Variants in SYN3 observed in about 807,000 individuals in gnomAD.
SYN3 encodes the protein synapsin III.
Under a neutral mutation model 65.8 loss-of-function variants are expected in SYN3, and 35 were observed. The ratio of observed to expected loss-of-function variants is 0.53; its 90% CI spans 0.41 to 0.70. The LOEUF is 0.70. Ranked by LOEUF, SYN3 falls within the 30% of genes least tolerant of loss-of-function variation. The pLI, the probability that SYN3 is intolerant of heterozygous loss-of-function variation, is 0.00. For synonymous variants in SYN3, 270 were observed against 292.9 expected (o/e 0.92, Z 0.80); for missense variants, 680 against 749.0 (o/e 0.91, Z 1.08).
chr22:32,926,816 T>C (rs1318685403), intron 4 of SYN3, among the ~76,000 whole-genome samples: 3 of 152,226 alleles, frequency 2.0e-5, no homozygotes, highest in African/African-American at 2.4e-5. Context: ...TTGTGGGGTT[T>C]GCAGTTCTCA....
At chr22:32,909,864 C>T (rs930286995) in intron 4 of SYN3, among the ~76,000 whole-genome samples, 2 of 152,102 alleles carry the variant, frequency 1.3e-5, no homozygotes, top group African/African-American at 2.4e-5. Context: ...CCGGGTCGGT[C>T]GGCCTGGGAC....
At chr22:32,641,862 G>A (rs1412889631) in intron 6 of SYN3, among the ~76,000 whole-genome samples, 1 of 152,148 alleles carries the variant, frequency 6.6e-6, no homozygotes, top group South Asian at 2.1e-4. Context: ...AGTGCTTCCT[G>A]AGAAATTGGG....
chr22:32,636,367 A>G (rs896822112), intron 6 of SYN3, among the ~76,000 whole-genome samples: 1 of 150,284 alleles, frequency 6.7e-6, no homozygotes, highest in Non-Finnish European at 1.5e-5. Flanking sequence ...GTGCCACTGC[A>G]CTCCAGCCGG....
At chr22:32,671,145 C>T (rs893510040) in intron 6 of SYN3, among the ~76,000 whole-genome samples, 18 of 151,992 alleles carry the variant, frequency 1.2e-4, no homozygotes, top group Middle Eastern at 3.4e-3. Flanking sequence ...AGCTTTTTTT[C>T]GTTTACAGAG....
chr22:32,977,753 A>G (rs1362380423), intron 3 of SYN3, among the ~76,000 whole-genome samples: 1 of 151,878 alleles, frequency 6.6e-6, no homozygotes, highest in African/African-American at 2.4e-5. Flanking sequence ...AAAAAAAAAA[A>G]AAAAAGAAGC....
At chr22:32,918,862 G>C (rs1218803584) in intron 4 of SYN3, among the ~76,000 whole-genome samples, 1 of 152,202 alleles carries the variant, frequency 6.6e-6, no homozygotes, top group East Asian at 1.9e-4. Flanking sequence ...TAGAAATAGG[G>C]AGTGACTGAT....
At chr22:32,676,638 G>A (rs377014017) in intron 6 of SYN3, among the ~76,000 whole-genome samples, 1 of 134,758 alleles carries the variant, frequency 7.4e-6, no homozygotes, top group Admixed American at 8.1e-5. Context: ...CTGGGTTCAC[G>A]CCATTCTCCT....
intron 7 of SYN3, among the ~76,000 whole-genome samples, chr22:32,582,803 C>G (rs1213501817): frequency 6.6e-6 from 1 of 152,206 alleles, no homozygotes; most frequent in African/African-American, 2.4e-5. Context: ...GCCCATTGCC[C>G]AGATCATCTG....
chr22:32,617,037 G>T (rs555769345), intron 6 of SYN3, among the ~76,000 whole-genome samples: 6 of 152,294 alleles, frequency 3.9e-5, no homozygotes, highest in African/African-American at 1.4e-4. Context: ...GGCTGGCCAA[G>T]GCTTCACGTT....
At chr22:32,534,813 C>T (rs999013994) in intron 9 of SYN3, among the ~76,000 whole-genome samples, 1 of 152,178 alleles carries the variant, frequency 6.6e-6, no homozygotes, top group Non-Finnish European at 1.5e-5. Flanking sequence ...AATGGAGTCT[C>T]ATCTCATCCA....
intron 3 of SYN3, among the ~76,000 whole-genome samples, chr22:32,965,983 C>T (rs986569672): frequency 2.0e-5 from 3 of 152,204 alleles, no homozygotes; most frequent in East Asian, 1.9e-4. Context: ...CACGGGCCAC[C>T]GCGCCCGGCC....
chr22:32,539,791 G>GAAA (rs57215045), intron 8 of SYN3, among the ~76,000 whole-genome samples: 92,232 of 147,092 alleles, frequency 0.63, 28,860 homozygotes, highest in East Asian at 0.89. Flanking sequence ...TAATCCTCAA[G>GAAA]AAAAAAAAAA....
chr22:32,832,736 T>C (rs8140818), intron 6 of SYN3, among the ~76,000 whole-genome samples: 15,564 of 151,814 alleles, frequency 0.1, 927 homozygotes, highest in African/African-American at 0.17. Context: ...TACTCGCCCC[T>C]CTCTTTTTCT....
At chr22:32,765,722 G>T (rs564013604) in intron 6 of SYN3, among the ~76,000 whole-genome samples, 119 of 152,144 alleles carry the variant, frequency 7.8e-4, no homozygotes, top group Non-Finnish European at 1.1e-3. Flanking sequence ...GAGGAGGAAG[G>T]CTGGGGGACT....
intron 6 of SYN3, among the ~76,000 whole-genome samples, chr22:32,845,088 A>C (rs894392365): frequency 1.3e-5 from 2 of 152,288 alleles, no homozygotes; most frequent in Non-Finnish European, 1.5e-5. Flanking sequence ...TCCTAAGAGC[A>C]AAAGAAATTC....
intron 6 of SYN3, among the ~76,000 whole-genome samples, chr22:32,779,585 C>T (rs541715404): frequency 2.0e-4 from 30 of 152,276 alleles, no homozygotes; most frequent in East Asian, 1.3e-3. Flanking sequence ...CTCTCCGAAG[C>T]GGGCATTATT....
intron 6 of SYN3, among the ~76,000 whole-genome samples, chr22:32,618,424 C>T (rs571349330): frequency 3.3e-5 from 5 of 152,220 alleles, no homozygotes; most frequent in Admixed American, 2.0e-4. Flanking sequence ...TGTCAGCCCT[C>T]GAAACTTATG....
intron 3 of SYN3, among the ~76,000 whole-genome samples, chr22:32,936,490 AAAACAAACAAAC>A (rs3071392): frequency 6.6e-6 from 1 of 151,522 alleles, no homozygotes; most frequent in South Asian, 2.1e-4. Context: ...GAGAAAAAAT[AAAACAAACAAAC>A]AAACAAACAA....
intron 6 of SYN3, among the ~76,000 whole-genome samples, chr22:32,621,516 G>A (rs1324249115): frequency 6.6e-6 from 1 of 152,152 alleles, no homozygotes; most frequent in Non-Finnish European, 1.5e-5. Flanking sequence ...TGTGACTGCT[G>A]TTTACATGTG....
Sources: gnomAD v4.1 joint callset for allele counts (sites outside exome capture counted in the v4.1 genomes callset) on GRCh38, gnomAD v4.1.1 for gene constraint, MANE v1.5 for transcripts, NCBI Gene and HGNC (gene_info 2026-07-23, HGNC 2026-07-21) for gene names.